Variants in VPS13D observed in about 807,000 individuals in gnomAD.
VPS13D encodes the protein vacuolar protein sorting 13 homolog D.
VPS13D carries 187 observed loss-of-function variants against 461.9 expected under a neutral mutation model. The ratio of observed to expected loss-of-function variants is 0.40; its 90% CI spans 0.36 to 0.46. The LOEUF (loss-of-function observed/expected upper bound fraction) is 0.46, where lower values mean the gene tolerates loss of function less well. Ranked by LOEUF, VPS13D falls within the 20% of genes least tolerant of loss-of-function variation. The probability of loss-of-function intolerance (pLI) is 0.60; values close to 1 mark genes in which losing one functional copy is unlikely to be tolerated. For missense variants in VPS13D, 4,711 were observed against 5,364.9 expected (o/e 0.88, Z 3.81); for synonymous variants, 1,951 against 1,986.3 (o/e 0.98, Z 0.47).
chr1:12,297,715 G>A (rs1163825176), intron 24 of VPS13D, among the ~76,000 whole-genome samples: 1 of 152,202 alleles, frequency 6.6e-6, no homozygotes, highest in African/African-American at 2.4e-5. Context: ...TTAGGAATGA[G>A]TGTGTCATGC....
intron 67 of VPS13D, among the ~76,000 whole-genome samples, chr1:12,481,972 C>T (rs904099703): frequency 2.0e-5 from 3 of 152,178 alleles, no homozygotes; most frequent in African/African-American, 7.2e-5. Flanking sequence ...CCATTTGGGA[C>T]CAGCCAGCCC....
intron 17 of VPS13D, 143 bp from the exon 18 acceptor site, chr1:12,272,860 T>A: frequency 1.7e-6 from 2 of 1,178,994 alleles, no homozygotes; most frequent in Non-Finnish European, 1.2e-6. Context: ...TACATCTACT[T>A]TTGTCTTAGA....
chr1:12,315,146 A>G (rs1642855691), intron 30 of VPS13D, among the ~76,000 whole-genome samples: 1 of 152,178 alleles, frequency 6.6e-6, no homozygotes, highest in Admixed American at 6.5e-5. Flanking sequence ...TTCAGTGAAA[A>G]CCCAAAAAGG....
rs536015572 is a variant in VPS13D, at chr1:12,249,948, G to A, written c.564+609G>A. Among the ~76,000 whole-genome samples, 7 of 152,240 alleles carry A rather than the reference G, an allele frequency of 4.6e-5. No individual in the cohort carries two copies. In the East Asian group the frequency reaches 1.2e-3, roughly 25 times the overall value. ...GGTAAGGGCTTAGTCCCATAGGACC[G>A]CCTCCCACTTCAGATGCCAGTCACA... On this transcript the variant is annotated intron_variant, in intron 6 of 69. Transcript: ENST00000620676.
rs181594458 is a variant in VPS13D at position 12,462,570 on chromosome 1, C to G, written c.12662+2174C>G. Among the ~76,000 whole-genome samples, 464 of 152,296 alleles carry G rather than the reference C, an allele frequency of 3.0e-3. 1 individual carries two copies. Among genetic ancestry groups the G allele is most frequent in the Non-Finnish European group, 5.2e-3 (357 of 68,012 alleles). ...CACACAGCTGGTGGGAAATGGTAGA[C>G]CTAGACTTAGACCCAGCCTATGTCT... On this transcript the variant is annotated intron_variant, in intron 67 of 69. Transcript: ENST00000620676.
intron 67 of VPS13D, among the ~76,000 whole-genome samples, chr1:12,470,255 T>A (rs1244106127): frequency 6.6e-6 from 1 of 152,194 alleles, no homozygotes; most frequent in East Asian, 1.9e-4. Flanking sequence ...CTGGCTAGAA[T>A]CCATGGTAAC....
chr1:12,421,752 A>T (rs923952694), intron 65 of VPS13D, among the ~76,000 whole-genome samples: 1 of 152,194 alleles, frequency 6.6e-6, no homozygotes, highest in South Asian at 2.1e-4. Context: ...CAGCATACTT[A>T]ATTTCTTCCA....
intron 64 of VPS13D, 55 bp from the exon 65 acceptor site, chr1:12,416,605 C>A: frequency 6.4e-7 from 1 of 1,562,844 alleles, no homozygotes; most frequent in Non-Finnish European, 8.7e-7. Flanking sequence ...ACACTGGTAT[C>A]TGCAAATATA....
intron 50 of VPS13D, among the ~76,000 whole-genome samples, chr1:12,361,190 G>A (rs1643941418): frequency 6.6e-6 from 1 of 152,082 alleles, no homozygotes; most frequent in South Asian, 2.1e-4. Context: ...GACCTAGCAT[G>A]TATTAAGAGA....
Position 12,403,960 on chromosome 1 carries a change from C to T in VPS13D, c.12017C>T (p.Pro4006Leu). The change falls in exon 63 of 70, where the codon CCA (proline) becomes CTA (leucine). Residue 4006 changes from proline to leucine, a missense_variant. Around this residue, in one of 3 missense-constraint regions of VPS13D, gnomAD observed 4,411 missense variants for 4,937.8 expected, o/e 0.89. Coordinates refer to ENST00000620676, the MANE Select transcript of VPS13D (RefSeq NM_015378.4). ...KLSVFTSNKL[P>L]LDLKALKSTL... ...AGTGTGTTCACCTCCAACAAGCTCC[C>T]ATTGGATCTTAAGGTGAGCTGCTAT... The T allele has an allele frequency of 3.1e-6, 5 of 1,595,738 alleles. No homozygotes were observed. The highest frequency in any genetic ancestry group is 4.3e-6 in the Non-Finnish European group (5 of 1,175,102).
chr1:12,408,880 C>T (rs376911466), intron 63 of VPS13D, among the ~76,000 whole-genome samples: 3 of 152,086 alleles, frequency 2.0e-5, no homozygotes, highest in South Asian at 2.1e-4. Context: ...TTTCTGTTTT[C>T]GTTTATTCTA....
rs1195345040 is a variant in VPS13D at position 12,473,760 on chromosome 1, C to T, written c.12662+13364C>T. On this transcript the variant is annotated intron_variant, in intron 67 of 69. Coordinates refer to ENST00000620676, the MANE Select transcript of VPS13D (RefSeq NM_015378.4). The surrounding 1 kb of genome is among the most constrained non-coding windows in gnomAD (Gnocchi z 4.2). The stretch of plus-strand genomic sequence containing the variant: ...CCTGTCCCCGAATTCTTGCTGACCA[C>T]CTGCTAGAGTGTGAGGACTAGGAGT... 6.6e-6 allele frequency among the ~76,000 whole-genome samples: 1 copy of T among 152,146 alleles called. No homozygotes were observed. Among genetic ancestry groups the T allele is most frequent in the Admixed American group, 6.5e-5 (1 of 15,282 alleles).
At chr1:12,508,804 A>C in intron 69 of VPS13D, 89 bp from the exon 70 acceptor site, 1 of 1,425,876 alleles carries the variant, frequency 7.0e-7, no homozygotes, top group Non-Finnish European at 9.6e-7. Context: ...CCTGAGATGC[A>C]GCTGGGCTGG....
chr1:12,436,989 G>A (rs566799432), intron 65 of VPS13D, among the ~76,000 whole-genome samples: 1 of 152,182 alleles, frequency 6.6e-6, no homozygotes, highest in African/African-American at 2.4e-5. Flanking sequence ...TTTTATGTGG[G>A]TAAAACAGTT....
chr1:12,289,104 A>G (rs1354419664), intron 22 of VPS13D, among the ~76,000 whole-genome samples: 2 of 152,214 alleles, frequency 1.3e-5, no homozygotes, highest in Non-Finnish European at 2.9e-5. Flanking sequence ...TGCCTCCCAA[A>G]GTGCTGGGAT....
At position 12,507,291 on chromosome 1, in the gene VPS13D, A is replaced by G. The variant is rs772792028; in HGVS notation, c.13035+198A>G. On this transcript the variant is annotated intron_variant, in intron 69 of 69. Transcript: ENST00000620676. This position sits in a 1 kb window ranked among gnomAD's most constrained non-coding sequence, Gnocchi z 5.3. ...GCGATGCTGCCCTCCCAGCTGGCCC[A>G]TGGGTGACCCTGGGAACATTAACTG... 4 of 957,012 alleles carry G rather than the reference A, an allele frequency of 4.2e-6. No individual in the cohort carries two copies. Among genetic ancestry groups the G allele is most frequent in the South Asian group, 2.6e-5 (2 of 77,690 alleles). The allele number at this position is 957,012 out of a possible 1,614,324, so 59.3% of individuals were successfully genotyped here.
chr1:12,278,973 A>T (rs993780267), intron 19 of VPS13D, among the ~76,000 whole-genome samples: 1 of 152,154 alleles, frequency 6.6e-6, no homozygotes, highest in Non-Finnish European at 1.5e-5. Context: ...GCCTTTGAGA[A>T]CTTACCCTTC....
In VPS13D at chr1:12,279,483, A is replaced by G. The variant is rs768036528; in HGVS notation, c.4451-16A>G. 5.7e-6 allele frequency: 9 copies of G among 1,579,180 alleles called. No homozygotes were observed. The highest frequency in any genetic ancestry group is 6.9e-6 in the Non-Finnish European group (8 of 1,156,612). On this transcript the variant is annotated splice_polypyrimidine_tract_variant and intron_variant, in intron 19 of 69. Transcript: ENST00000620676. This position sits in a 1 kb window ranked among gnomAD's most constrained non-coding sequence, Gnocchi z 4.3. ...ATTAAGGTTTATGGTCTATCATTTC[A>G]TCTCTTTTATGCCAGCTTTTCACAT...
intron 3 of VPS13D, among the ~76,000 whole-genome samples, chr1:12,243,017 A>G (rs1640431897): frequency 6.9e-6 from 1 of 145,856 alleles, no homozygotes; most frequent in Non-Finnish European, 1.5e-5. Flanking sequence ...CCGTGGTGCG[A>G]TCTCGGCTCA....
Sources: allele counts gnomAD v4.1 joint callset (sites outside exome capture counted in the v4.1 genomes callset), GRCh38; gene constraint gnomAD v4.1.1; regional missense constraint gnomAD v4.1.1; non-coding constraint Gnocchi (gnomAD v3.1); transcripts MANE v1.5; gene names NCBI Gene and HGNC (gene_info 2026-07-23, HGNC 2026-07-21).